INO80D: variants seen among roughly 807,000 people sequenced by gnomAD.
INO80D encodes the protein INO80 complex subunit D.
INO80D carries 21 observed loss-of-function variants against 87.6 expected under a neutral mutation model. The ratio of observed to expected loss-of-function variants is 0.24; its 90% confidence interval spans 0.17 to 0.35. INO80D has a LOEUF of 0.35. INO80D is among the 10% of genes least tolerant of loss of function. INO80D has a pLI of 1.00. For synonymous variants in INO80D, 440 were observed against 491.0 expected (o/e 0.90, Z 1.37); for missense variants, 982 against 1,280.7 (o/e 0.77, Z 3.56).
At chr2:206,064,933 A>T (rs1294381974) in intron 1 of INO80D, among the ~76,000 whole-genome samples, 1 of 152,208 alleles carries the variant, frequency 6.6e-6, no homozygotes, top group Non-Finnish European at 1.5e-5. Context: ...TGTAAAAAAT[A>T]AGAGCTTTCT....
At chr2:206,010,589 C>T (rs1292408491) in intron 8 of INO80D, among the ~76,000 whole-genome samples, 1 of 152,046 alleles carries the variant, frequency 6.6e-6, no homozygotes, top group African/African-American at 2.4e-5. Flanking sequence ...ACTCTTGTAG[C>T]TAAATAAAGA....
intron 6 of INO80D, among the ~76,000 whole-genome samples, chr2:206,025,876 T>G (rs1369416528): frequency 2.8e-4 from 43 of 152,006 alleles, no homozygotes; most frequent in Admixed American, 2.6e-3. Context: ...TTGAACTCTA[T>G]TTCCTTAAAG....
At position 205,997,911 on chromosome 2, in the gene INO80D, C is replaced by T. The variant is rs568628778; in HGVS notation, c.*6457G>A. The T allele has an allele frequency of 1.3e-5, 2 of 152,288 alleles. No homozygotes were observed. Among genetic ancestry groups the T allele is most frequent in the Non-Finnish European group, 2.9e-5 (2 of 67,998 alleles). The allele number at this position is 152,288 out of a possible 1,614,324, so 9.4% of individuals were successfully genotyped here. On this transcript the variant is annotated 3_prime_UTR_variant, in exon 11 of 11. Transcript: ENST00000403263. ...TTTATATAAGCACACATTCATATCT[C>T]TCACACACGTGCCCCCAATGTATAT...
chr2:206,056,937 G>T lies in INO80D; in HGVS notation c.225C>A (p.Cys75Ter). 6.3e-7 allele frequency: 1 copy of T among 1,586,802 alleles called. No individual in the cohort carries two copies. The highest frequency in any genetic ancestry group is 8.6e-7 in the Non-Finnish European group (1 of 1,162,900). The change falls in exon 4 of 11, where the codon TGC becomes TGA. Residue 75 changes from cysteine to a stop codon, truncating the protein, a stop_gained. Coordinates refer to ENST00000403263, the MANE Select transcript of INO80D (RefSeq NM_017759.5). LOFTEE classifies it high-confidence loss of function. ...AGCCAAGTACCTGCAAGTGGCTGTTGCAGTACCTTTAAAATACACACATAC... is the reference window on the plus strand; with the variant it reads ...AGCCAAGTACCTGCAAGTGGCTGTTTCAGTACCTTTAAAATACACACATAC... The part of the protein sequence containing the change: ...PIPKSEDRRY[C>*]NSHLQVLGFI...
In INO80D at chr2:206,003,949, A is replaced by ACATCT; in HGVS notation, c.*418_*419insAGATG. On this transcript the variant is annotated 3_prime_UTR_variant, in exon 11 of 11. Coordinates refer to ENST00000403263, the MANE Select transcript of INO80D (RefSeq NM_017759.5). ...ACACACCATTTGCTGTCTCTTATAC[A>ACATCT]GGAACTCAATTAATAAGATCATTCT... 6 of 195,876 alleles carry ACATCT rather than the reference A, an allele frequency of 3.1e-5. No individual in the cohort carries two copies. Among genetic ancestry groups the ACATCT allele is most frequent in the Admixed American group, 1.6e-4 (3 of 19,024 alleles). 12.1% of individuals were successfully genotyped at this position (195,876 alleles called of 1,614,324 possible).
chr2:206,036,200 A>G (rs1267606622), intron 5 of INO80D, among the ~76,000 whole-genome samples: 1 of 152,172 alleles, frequency 6.6e-6, no homozygotes, highest in Admixed American at 6.5e-5. Context: ...TAAAGAACTA[A>G]AAGTAGAACT....
At chr2:206,020,089 GT>G (rs34519729) in intron 6 of INO80D, among the ~76,000 whole-genome samples, 3 of 148,856 alleles carry the variant, frequency 2.0e-5, no homozygotes, top group Admixed American at 6.7e-5. Context: ...AAGTATGTCT[GT>G]TTTTTTTTTT....
At chr2:206,039,264 G>C (rs1316889045) in intron 5 of INO80D, among the ~76,000 whole-genome samples, 2 of 152,116 alleles carry the variant, frequency 1.3e-5, no homozygotes, top group Non-Finnish European at 2.9e-5. Context: ...AGGCGTGGTG[G>C]CGCATGCCTG....
intron 5 of INO80D, among the ~76,000 whole-genome samples, chr2:206,044,987 T>C (rs1252548575): frequency 6.6e-6 from 1 of 152,068 alleles, no homozygotes; most frequent in Non-Finnish European, 1.5e-5. Flanking sequence ...GAATGACATA[T>C]AAAATGGAAC....
intron 8 of INO80D, among the ~76,000 whole-genome samples, chr2:206,016,323 G>A (rs914564606): frequency 3.9e-5 from 6 of 152,196 alleles, no homozygotes; most frequent in African/African-American, 1.4e-4. Context: ...CATGGAGCCT[G>A]TAGCCCCTTT....
intron 1 of INO80D, among the ~76,000 whole-genome samples, chr2:206,079,055 A>G (rs930425595): frequency 6.6e-6 from 1 of 152,184 alleles, no homozygotes; most frequent in African/African-American, 2.4e-5. Flanking sequence ...TGGGTCAAAC[A>G]AAACATTTCT....
intron 1 of INO80D, among the ~76,000 whole-genome samples, chr2:206,066,241 G>A (rs1689812532): frequency 6.6e-6 from 1 of 151,978 alleles, no homozygotes; most frequent in African/African-American, 2.4e-5. Context: ...CTGTGATGGA[G>A]CGAGACGATG....
intron 7 of INO80D, 106 bp from the exon 8 acceptor site, chr2:206,017,919 T>C (rs530941651): frequency 1.1e-6 from 1 of 947,064 alleles, no homozygotes; most frequent in South Asian, 1.8e-5. Flanking sequence ...AGCTTTATTA[T>C]CCATAATATA....
At chr2:206,026,185 C>A (rs1237661190) in intron 6 of INO80D, among the ~76,000 whole-genome samples, 1 of 152,058 alleles carries the variant, frequency 6.6e-6, no homozygotes, top group Non-Finnish European at 1.5e-5. Flanking sequence ...AGGTGTGAGC[C>A]ACTGCACCCA....
At position 206,004,311 on chromosome 2, in the gene INO80D, G is replaced by T; in HGVS notation, c.*57C>A. 6.9e-7 allele frequency: 1 copy of T among 1,453,300 alleles called. No individual in the cohort carries two copies. The allele number at this position is 1,453,300 out of a possible 1,614,324, so 90.0% of individuals were successfully genotyped here. On this transcript the variant is annotated 3_prime_UTR_variant, in exon 11 of 11. Transcript: ENST00000403263. This position sits in a 1 kb window ranked among gnomAD's most constrained non-coding sequence, Gnocchi z 4.9. ...GAAAAGGGGAGAGGGGTGCTAAAGA[G>T]GAAACAAAGATAGAAAACACTGGGT...
In INO80D at chr2:206,005,261, G is replaced by A; in HGVS notation, c.2191C>T (p.Leu731=). 1 of 1,614,042 alleles carries A rather than the reference G, an allele frequency of 6.2e-7. No individual in the cohort carries two copies. The highest frequency in any genetic ancestry group is 1.3e-5 in the African/African-American group (1 of 75,044). Residue 731 remains leucine (L), a synonymous_variant, in exon 11 of 11, where the codon CTG becomes TTG. Transcript: ENST00000403263. The part of the protein sequence containing the change: ...IVHDNFSSLE[L]DENLLRSATL... ...GCAGAACGGAGCAGGTTCTCATCCA[G>A]CTCTAGACTAGAAAAATTATCATGT...
intron 5 of INO80D, among the ~76,000 whole-genome samples, chr2:206,031,723 C>A (rs772943619): frequency 3.9e-5 from 6 of 152,198 alleles, no homozygotes; most frequent in Non-Finnish European, 7.3e-5. Context: ...ACAGACAGAG[C>A]AGAGTGCCGA....
chr2:206,033,206 T>C (rs920091698), intron 5 of INO80D, among the ~76,000 whole-genome samples: 1 of 152,052 alleles, frequency 6.6e-6, no homozygotes, highest in Admixed American at 6.6e-5. Context: ...AAACAAACTT[T>C]AAAGTAACAG....
chr2:206,011,442 TCG>T (rs1688171948), intron 8 of INO80D, among the ~76,000 whole-genome samples: 2 of 152,220 alleles, frequency 1.3e-5, no homozygotes. Context: ...CCTGCCTTGC[TCG>T]CCTCCAGAGA....
Sources: gnomAD v4.1 joint callset for allele counts (sites outside exome capture counted in the v4.1 genomes callset) on GRCh38, gnomAD v4.1.1 for gene constraint, Gnocchi (gnomAD v3.1) non-coding constraint, MANE v1.5 for transcripts, NCBI Gene and HGNC (gene_info 2026-07-23, HGNC 2026-07-21) for gene names.